Variants in INPP4B observed in about 807,000 individuals in gnomAD.
The protein encoded by INPP4B is inositol polyphosphate-4-phosphatase type II B.
A neutral mutation model predicts 122.5 loss-of-function variants in INPP4B; 55 were observed. The observed-to-expected ratio is 0.45, with a 90% CI of 0.36 to 0.56. The LOEUF (loss-of-function observed/expected upper bound fraction) is 0.56, where lower values mean the gene tolerates loss of function less well. Ranked by LOEUF, INPP4B falls within the 20% of genes least tolerant of loss-of-function variation. INPP4B has a pLI of 0.00. For missense variants in INPP4B, 1,000 were observed against 1,097.7 expected (o/e 0.91, Z 1.26); for synonymous variants, 403 against 388.7 (o/e 1.04, Z -0.43).
chr4:142,515,428 T>C (rs770986333), intron 2 of INPP4B, among the ~76,000 whole-genome samples: 2 of 152,184 alleles, frequency 1.3e-5, no homozygotes, highest in Non-Finnish European at 2.9e-5. Flanking sequence ...CTTAAAGCCC[T>C]CATTAAATGC....
At chr4:142,274,894 TCACAATGTCAAG>T (rs1288186584) in intron 9 of INPP4B, among the ~76,000 whole-genome samples, 1 of 151,802 alleles carries the variant, frequency 6.6e-6, no homozygotes, top group Non-Finnish European at 1.5e-5. Flanking sequence ...AGTATTTCAA[TCACAATGTCAAG>T]TTTCTCTTTC....
chr4:142,748,934 G>A (rs967047326), intron 1 of INPP4B, among the ~76,000 whole-genome samples: 1 of 151,878 alleles, frequency 6.6e-6, no homozygotes, highest in African/African-American at 2.4e-5. Flanking sequence ...GTGGCCAGAA[G>A]TTCGAGACCA....
intron 2 of INPP4B, 164 bp from the exon 3 acceptor site, chr4:142,462,890 T>C (rs1247315187): frequency 6.6e-6 from 1 of 152,214 alleles, no homozygotes; most frequent in African/African-American, 2.4e-5. Context: ...ATTTCTTATT[T>C]CTATCCCAAA....
chr4:142,800,116 T>C (rs186745048), intron 1 of INPP4B, among the ~76,000 whole-genome samples: 1 of 152,098 alleles, frequency 6.6e-6, no homozygotes, highest in Non-Finnish European at 1.5e-5. Context: ...ATATAAAATG[T>C]TTTTGCATAA....
At chr4:142,298,464 A>G (rs1349471844) in intron 9 of INPP4B, among the ~76,000 whole-genome samples, 2 of 151,978 alleles carry the variant, frequency 1.3e-5, no homozygotes, top group Non-Finnish European at 2.9e-5. Context: ...AGTTGGGTAG[A>G]TCACGAGGTC....
chr4:142,361,583 C>T (rs1785412713), intron 7 of INPP4B, among the ~76,000 whole-genome samples: 1 of 151,864 alleles, frequency 6.6e-6, no homozygotes, highest in Non-Finnish European at 1.5e-5. Context: ...AATATTATTG[C>T]TTAAAGAGGC....
chr4:142,662,657 T>C (rs1354758075), intron 2 of INPP4B, among the ~76,000 whole-genome samples: 1 of 152,112 alleles, frequency 6.6e-6, no homozygotes. Flanking sequence ...CAGAGTATGG[T>C]GGAATCAAAA....
At chr4:142,256,726 C>T (rs957170418) in intron 11 of INPP4B, among the ~76,000 whole-genome samples, 26 of 152,094 alleles carry the variant, frequency 1.7e-4, no homozygotes, top group Admixed American at 6.6e-4. Context: ...GCTTACCAAC[C>T]AAAAAGAGTC....
intron 17 of INPP4B, among the ~76,000 whole-genome samples, chr4:142,153,505 C>T (rs1815494454): frequency 6.6e-6 from 1 of 152,076 alleles, no homozygotes; most frequent in South Asian, 2.1e-4. Context: ...TATACACAGG[C>T]ACATCAAAAT....
intron 5 of INPP4B, chr4:142,425,181 C>T (rs183121366): frequency 9.9e-4 from 150 of 152,146 alleles, no homozygotes; most frequent in African/African-American, 3.4e-3. Context: ...GGCTTCAAAT[C>T]CCATGTCTCT....
chr4:142,182,657 T>C (rs999699579), intron 15 of INPP4B, among the ~76,000 whole-genome samples: 8 of 151,950 alleles, frequency 5.3e-5, no homozygotes, highest in Middle Eastern at 3.4e-3. Flanking sequence ...TATAAACAAC[T>C]GACCTTATTA....
chr4:142,100,275 C>T (rs1783917258), intron 23 of INPP4B, among the ~76,000 whole-genome samples: 1 of 152,054 alleles, frequency 6.6e-6, no homozygotes, highest in African/African-American at 2.4e-5. Context: ...GCTTCCCCAC[C>T]TTTCTGTTTC....
chr4:142,369,590 AT>A (rs1451349201), intron 7 of INPP4B, among the ~76,000 whole-genome samples: 14 of 141,494 alleles, frequency 9.9e-5, no homozygotes, highest in African/African-American at 3.7e-4. Context: ...AATTAAAAAA[AT>A]AAATAAATAA....
chr4:142,165,789 T>C (rs1482158027), intron 16 of INPP4B, among the ~76,000 whole-genome samples: 17 of 151,738 alleles, frequency 1.1e-4, no homozygotes, highest in Admixed American at 1.1e-3. Flanking sequence ...CTATGAAACA[T>C]TGCTGAAACA....
intron 5 of INPP4B, among the ~76,000 whole-genome samples, chr4:142,422,248 T>TATCTGCTCATACAGCTCTCCTACTCTAGA (rs1807060138): frequency 1.3e-5 from 2 of 152,090 alleles, no homozygotes; most frequent in East Asian, 3.9e-4. Flanking sequence ...GTAATTAATA[T>TATCTGCTCATACAGCTCTCCTACTCTAGA]ATGTAAATTA....
intron 2 of INPP4B, among the ~76,000 whole-genome samples, chr4:142,509,894 T>C (rs1824490512): frequency 6.6e-6 from 1 of 152,156 alleles, no homozygotes; most frequent in Non-Finnish European, 1.5e-5. Context: ...GCACTCAATA[T>C]ATGATCATAC....
intron 2 of INPP4B, among the ~76,000 whole-genome samples, chr4:142,629,424 A>G (rs1466382310): frequency 1.3e-5 from 2 of 152,134 alleles, no homozygotes; most frequent in Non-Finnish European, 2.9e-5. Flanking sequence ...AACAGGATAA[A>G]TGCAGAGATT....
intron 2 of INPP4B, among the ~76,000 whole-genome samples, chr4:142,640,557 T>C (rs1750164421): frequency 1.3e-5 from 2 of 152,022 alleles, no homozygotes; most frequent in South Asian, 4.2e-4. Flanking sequence ...ATCAACAATT[T>C]AGCAAAGGGA....
chr4:142,677,238 A>G, intron 2 of INPP4B, among the ~76,000 whole-genome samples: 1 of 152,190 alleles, frequency 6.6e-6, no homozygotes, highest in Middle Eastern at 3.2e-3. Flanking sequence ...AAACATATGT[A>G]AAAAAGCTCA....
Sources: gnomAD v4.1 joint callset for allele counts (sites outside exome capture counted in the v4.1 genomes callset) on GRCh38, gnomAD v4.1.1 for gene constraint, MANE v1.5 for transcripts, NCBI Gene and HGNC (gene_info 2026-07-23, HGNC 2026-07-21) for gene names.